Variants in IRAK2 observed in about 807,000 individuals in gnomAD.
IRAK2 encodes the protein interleukin-1 receptor-associated kinase-like 2.
In IRAK2, 57 loss-of-function variants were observed where a neutral mutation model predicts 72.0. That is an observed-to-expected ratio of 0.79 (90% CI 0.64 to 0.99). The LOEUF (loss-of-function observed/expected upper bound fraction) is 0.99. IRAK2 is among the 50% of genes least tolerant of loss of function. IRAK2 has a pLI of 0.00. For missense variants in IRAK2, 790 were observed against 794.4 expected (o/e 0.99, Z 0.07); for synonymous variants, 293 against 312.7 (o/e 0.94, Z 0.67).
rs758095705 is a variant in IRAK2 at position 10,217,049 on chromosome 3, G to A, written c.903+1G>A. On this transcript the variant is annotated splice_donor_variant, in intron 7 of 12. Coordinates refer to ENST00000256458, the MANE Select transcript of IRAK2 (RefSeq NM_001570.4). LOFTEE classifies it high-confidence loss of function. ...CCTACAGGACAGACTGCAGGGTCAG[G>A]TAAGGGACTGGGTCATGGTCAGAGA... is the stretch of plus-strand genomic sequence containing the variant. 6.2e-7 allele frequency: 1 copy of A among 1,600,350 alleles called. No individual in the cohort carries two copies. The highest frequency in any genetic ancestry group is 2.2e-5 in the East Asian group (1 of 44,812).
At chr3:10,240,674 C>G (rs1370621243) in intron 12 of IRAK2, among the ~76,000 whole-genome samples, 9 of 149,144 alleles carry the variant, frequency 6.0e-5, no homozygotes. Flanking sequence ...ATTCTCCTGT[C>G]TCAGCCTCCC....
intron 1 of IRAK2, among the ~76,000 whole-genome samples, chr3:10,169,079 G>A (rs944265902): frequency 1.3e-5 from 2 of 152,090 alleles, no homozygotes; most frequent in Admixed American, 6.5e-5. Context: ...GACCGTGATG[G>A]TGACCCCGAG....
chr3:10,167,152 A>G (rs1447039697), intron 1 of IRAK2, among the ~76,000 whole-genome samples: 10 of 152,316 alleles, frequency 6.6e-5, no homozygotes, highest in Non-Finnish European at 1.3e-4. Flanking sequence ...CACCTGTTTC[A>G]GGAGTACAAT....
chr3:10,221,461 G>T (rs1412649258), intron 8 of IRAK2, among the ~76,000 whole-genome samples: 12 of 151,106 alleles, frequency 7.9e-5, no homozygotes, highest in Admixed American at 2.6e-4. Context: ...CACTGTGTTA[G>T]CCATGATGGT....
chr3:10,225,916 G>T (rs1187519352), intron 9 of IRAK2, among the ~76,000 whole-genome samples: 1 of 151,946 alleles, frequency 6.6e-6, no homozygotes, highest in African/African-American at 2.4e-5. Flanking sequence ...AGCCAGGATG[G>T]TCTCGATCTC....
intron 2 of IRAK2, among the ~76,000 whole-genome samples, chr3:10,188,783 C>T (rs11465868): frequency 0.012 from 1,832 of 152,118 alleles, 36 homozygotes; most frequent in African/African-American, 0.041. Context: ...GCCTTGGCCT[C>T]CCAAAGTGCT....
chr3:10,227,774 T>C (rs1169788536), intron 10 of IRAK2, among the ~76,000 whole-genome samples: 1 of 151,580 alleles, frequency 6.6e-6, no homozygotes, highest in Non-Finnish European at 1.5e-5. Context: ...GTTCATGCCA[T>C]TCTTCTGCCT....
At chr3:10,221,430 T>G (rs1404634352) in intron 8 of IRAK2, among the ~76,000 whole-genome samples, 1 of 151,230 alleles carries the variant, frequency 6.6e-6, no homozygotes, top group African/African-American at 2.4e-5. Context: ...ACTTTTTGTA[T>G]TTTTAGTAGA....
In IRAK2 at chr3:10,186,323, C is replaced by A. The variant is rs950944379; in HGVS notation, c.277+8303C>A. The stretch of plus-strand genomic sequence containing the variant: ...GATTCAGCTGTGGTTTCTTTGGCAA[C>A]ACAGTTCTGTCAAAAAACTAGAAGC... On this transcript the variant is annotated intron_variant, in intron 2 of 12. Transcript: ENST00000256458. 2.0e-5 allele frequency among the ~76,000 whole-genome samples: 3 copies of A among 151,806 alleles called. No individual in the cohort carries two copies. In the South Asian group the frequency reaches 6.2e-4, roughly 31 times the overall value.
At chr3:10,215,753 C>CACACACAT (rs1292707648) in intron 6 of IRAK2, among the ~76,000 whole-genome samples, 1 of 146,918 alleles carries the variant, frequency 6.8e-6, no homozygotes, top group Non-Finnish European at 1.5e-5. Context: ...CACATGTGTA[C>CACACACAT]ACACACACAC....
intron 1 of IRAK2, among the ~76,000 whole-genome samples, chr3:10,172,491 T>C (rs900305075): frequency 7.2e-6 from 1 of 139,244 alleles, no homozygotes; most frequent in African/African-American, 2.7e-5. Flanking sequence ...TGAGCTGACA[T>C]GTGCCATTGC....
Position 10,231,096 on chromosome 3 carries a change from G to A in IRAK2, c.1273-3363G>A, listed in dbSNP as rs564526765. On this transcript the variant is annotated intron_variant, in intron 10 of 12. Coordinates refer to ENST00000256458, the MANE Select transcript of IRAK2 (RefSeq NM_001570.4). The stretch of plus-strand genomic sequence containing the variant: ...ATTTGTAGAGATGGGGTCTTGTTAC[G>A]TTGCCCAGGCTGATATTGCTATTAT... Among the ~76,000 whole-genome samples, 20 of 152,172 alleles carry A rather than the reference G, an allele frequency of 1.3e-4. No homozygotes were observed. In the East Asian group the frequency reaches 2.9e-3, roughly 22 times the overall value.
intron 11 of IRAK2, among the ~76,000 whole-genome samples, chr3:10,234,913 G>A (rs1697930382): frequency 6.6e-6 from 1 of 152,234 alleles, no homozygotes; most frequent in South Asian, 2.1e-4. Context: ...AACTCTCTGT[G>A]AATCGGCTTT....
In IRAK2 at chr3:10,238,813, T is replaced by C; in HGVS notation, c.1539T>C (p.Ser513=). ...GTCGGGAGACGTTGCTCCCTTGGAGTGGGCTTTCTGAGGGTACAGGCTCTT... is the reference window on the plus strand; with the variant it reads ...GTCGGGAGACGTTGCTCCCTTGGAGCGGGCTTTCTGAGGGTACAGGCTCTT... ...LRGRETLLPW[S]GLSEGTGSSS... is the part of the protein sequence containing the mutation. The change falls in exon 12 of 13, where the codon AGT becomes AGC. Residue 513 remains serine (S), a synonymous_variant. Transcript: ENST00000256458. 1 of 1,613,464 alleles carries C rather than the reference T, an allele frequency of 6.2e-7. No homozygotes were observed. The highest frequency in any genetic ancestry group is 1.1e-5 in the South Asian group (1 of 91,038).
chr3:10,228,167 C>G (rs1481171229), intron 10 of IRAK2, among the ~76,000 whole-genome samples: 1 of 152,118 alleles, frequency 6.6e-6, no homozygotes, highest in African/African-American at 2.4e-5. Context: ...TAGTCTTCCT[C>G]ATCAGTTTGA....
intron 2 of IRAK2, among the ~76,000 whole-genome samples, chr3:10,182,983 G>A (rs567492818): frequency 2.3e-4 from 35 of 152,056 alleles, no homozygotes; most frequent in Admixed American, 8.5e-4. Flanking sequence ...TGTTGGCCAG[G>A]CTATTCTTGA....
intron 2 of IRAK2, among the ~76,000 whole-genome samples, chr3:10,192,483 G>A (rs1697192581): frequency 2.0e-5 from 3 of 152,166 alleles, no homozygotes; most frequent in Admixed American, 2.0e-4. Context: ...AAGGAACTGG[G>A]CCATAAACAA....
At chr3:10,217,267 A>G (rs1697619265) in intron 7 of IRAK2, among the ~76,000 whole-genome samples, 1 of 152,228 alleles carries the variant, frequency 6.6e-6, no homozygotes, top group Non-Finnish European at 1.5e-5. Flanking sequence ...GAAGATCAGC[A>G]TGGCCTCTGA....
At chr3:10,168,365 C>T (rs1021703587) in intron 1 of IRAK2, among the ~76,000 whole-genome samples, 77 of 152,088 alleles carry the variant, frequency 5.1e-4, no homozygotes, top group African/African-American at 1.4e-3. Flanking sequence ...CATGCACCAC[C>T]GTGCCTGACT....
Sources: gnomAD v4.1 joint callset for allele counts (sites outside exome capture counted in the v4.1 genomes callset) on GRCh38, gnomAD v4.1.1 for gene constraint, MANE v1.5 for transcripts, NCBI Gene and HGNC (gene_info 2026-07-23, HGNC 2026-07-21) for gene names.